Variants in POGZ observed in about 807,000 individuals in gnomAD.
The protein encoded by POGZ is pogo transposable element derived with ZNF domain.
In POGZ, 17 loss-of-function variants were observed where a neutral mutation model predicts 134.6. The ratio of observed to expected loss-of-function variants is 0.13; its 90% CI spans 0.09 to 0.19. POGZ has a LOEUF of 0.19. Ranked by LOEUF, POGZ falls within the 10% of genes least tolerant of loss-of-function variation. The probability of loss-of-function intolerance (pLI) is 1.00; values close to 1 mark genes in which losing one functional copy is unlikely to be tolerated. For missense variants in POGZ, 1,306 were observed against 1,769.7 expected (o/e 0.74, Z 4.70); for synonymous variants, 693 against 657.1 (o/e 1.05, Z -0.84).
rs374704008 is a variant in POGZ, at chr1:151,420,563, G to A, written c.1678+2834C>T. 5.9e-5 allele frequency among the ~76,000 whole-genome samples: 9 copies of A among 151,970 alleles called. No homozygotes were observed. In the East Asian group the frequency reaches 7.7e-4, roughly 13 times the overall value. On this transcript the variant is annotated intron_variant, in intron 10 of 18. Coordinates refer to ENST00000271715, the MANE Select transcript of POGZ (RefSeq NM_015100.4). ...CTCCTAAGCTCAATCTGCCTGCCTC[G>A]GCCTCTCAAAGTGCTGAGATTACAG...
At chr1:151,450,999 A>G (rs1386533704) in intron 1 of POGZ, 1 of 152,084 alleles carries the variant, frequency 6.6e-6, no homozygotes, top group African/African-American at 2.4e-5. Flanking sequence ...CAGGAGTTCA[A>G]AACCAGCCTG....
intron 10 of POGZ, among the ~76,000 whole-genome samples, chr1:151,421,394 T>C (rs563743026): frequency 1.3e-5 from 2 of 151,962 alleles, no homozygotes; most frequent in South Asian, 4.2e-4. Flanking sequence ...AAGGGAGCGC[T>C]ACTGTATTTA....
At chr1:151,410,609 G>A (rs573569358) in intron 12 of POGZ, among the ~76,000 whole-genome samples, 3 of 152,246 alleles carry the variant, frequency 2.0e-5, no homozygotes, top group African/African-American at 7.2e-5. Flanking sequence ...GGGGCCCATG[G>A]TATTTAAGTT....
chr1:151,457,465 G>C (rs879358318), intron 1 of POGZ, among the ~76,000 whole-genome samples: 1 of 152,130 alleles, frequency 6.6e-6, no homozygotes, highest in Non-Finnish European at 1.5e-5. Flanking sequence ...CCACCTTCAA[G>C]TTACTTTTTA....
chr1:151,429,509 A>G (rs923277536), intron 5 of POGZ, 94 bp downstream of exon 5: 1 of 569,582 alleles, frequency 1.8e-6, no homozygotes, highest in Non-Finnish European at 3.1e-6. Context: ...ATTTTCTTTA[A>G]ATGTACTTAC....
intron 1 of POGZ, among the ~76,000 whole-genome samples, chr1:151,457,764 T>C (rs532913027): frequency 6.0e-4 from 92 of 152,110 alleles, no homozygotes; most frequent in African/African-American, 2.2e-3. Context: ...TCGTCCCTAC[T>C]AAAAATACAA....
At chr1:151,406,733 C>G (rs1257627410) in intron 17 of POGZ, 102 bp from the exon 18 acceptor site, 1 of 1,102,582 alleles carries the variant, frequency 9.1e-7, no homozygotes, top group East Asian at 2.4e-5. Context: ...ATACGCTGTT[C>G]GCAGTGACCA....
intron 10 of POGZ, among the ~76,000 whole-genome samples, chr1:151,413,956 G>A (rs1259438664): frequency 6.6e-6 from 1 of 152,198 alleles, no homozygotes; most frequent in East Asian, 1.9e-4. Context: ...TTGCAAAAGA[G>A]TAAAATGTAG....
At chr1:151,409,339 C>CAGT (rs1557875178) in intron 12 of POGZ, among the ~76,000 whole-genome samples, 3 of 152,168 alleles carry the variant, frequency 2.0e-5, no homozygotes, top group Non-Finnish European at 4.4e-5. Flanking sequence ...ACACATATAA[C>CAGT]TGTATCACAA....
chr1:151,429,582 T>G, intron 5 of POGZ, 21 bp downstream of exon 5: 1 of 1,280,724 alleles, frequency 7.8e-7, no homozygotes, highest in Non-Finnish European at 1.1e-6. Context: ...TTATTCCAAA[T>G]GGATAGACAT....
chr1:151,458,242 G>C (rs148920940), intron 1 of POGZ, among the ~76,000 whole-genome samples: 1 of 152,068 alleles, frequency 6.6e-6, no homozygotes, highest in Non-Finnish European at 1.5e-5. Context: ...ATAGATCAAT[G>C]ACAGTACTCC....
At chr1:151,407,422 T>C in intron 15 of POGZ, 131 bp from the exon 16 acceptor site, 1 of 635,574 alleles carries the variant, frequency 1.6e-6, no homozygotes, top group South Asian at 2.1e-5. Context: ...TAAGCCAGTT[T>C]TCCTGTCACC....
chr1:151,410,312 C>CTCT (rs1487075316), intron 12 of POGZ, among the ~76,000 whole-genome samples: 1 of 152,092 alleles, frequency 6.6e-6, no homozygotes, highest in Non-Finnish European at 1.5e-5. Context: ...ATTTCCTTAC[C>CTCT]TCTCATTCAT....
Position 151,427,983 on chromosome 1 carries a change from T to A in POGZ, c.918A>T (p.Arg306=). The stretch of plus-strand genomic sequence containing the variant: ...TGCTATTTTCGCCTGTAACACCAGG[T>A]CGCTTCACAGTGACAAAGCTGGCAA... ...VSIASFVTVK[R]PGVTGENSNE... Residue 306 remains arginine, a synonymous_variant, in exon 7 of 19, where the codon CGA becomes CGT. Coordinates refer to ENST00000271715, the MANE Select transcript of POGZ (RefSeq NM_015100.4). 6.2e-7 allele frequency: 1 copy of A among 1,614,156 alleles called. No homozygotes were observed. The highest frequency in any genetic ancestry group is 8.5e-7 in the Non-Finnish European group (1 of 1,180,034).
Position 151,424,104 on chromosome 1 carries a change from G to T in POGZ, c.1368C>A (p.Asn456Lys), listed in dbSNP as rs770810584. 1.2e-6 allele frequency: 2 copies of T among 1,614,144 alleles called. No individual in the cohort carries two copies. The highest frequency in any genetic ancestry group is 1.1e-5 in the South Asian group (1 of 91,088). Residue 456 changes from asparagine (N) to lysine (K), a missense_variant, in exon 9 of 19, where the codon AAC becomes AAA. This residue lies in a region of POGZ where 541 missense variants were observed against 680.5 expected (regional missense o/e 0.80). Coordinates refer to ENST00000271715, the MANE Select transcript of POGZ (RefSeq NM_015100.4). ...GTTTGGTCTGGACGGCATCGCCCACGTTCTCATTTGGTTCTGGTACTTTGG... is the reference window on the plus strand; with the variant it reads ...GTTTGGTCTGGACGGCATCGCCCACTTTCTCATTTGGTTCTGGTACTTTGG... ...PPTKVPEPNE[N>K]VGDAVQTKLI...
chr1:151,419,695 A>AC (rs1553221621), intron 10 of POGZ, among the ~76,000 whole-genome samples: 5 of 149,280 alleles, frequency 3.3e-5, no homozygotes, highest in African/African-American at 1.2e-4. Context: ...AAAAAAAAAA[A>AC]CTACTTTCAT....
intron 1 of POGZ, among the ~76,000 whole-genome samples, 185 bp downstream of exon 1, chr1:151,458,967 C>A (rs1489691133): frequency 2.5e-4 from 36 of 144,628 alleles, no homozygotes; most frequent in African/African-American, 8.9e-4. Context: ...CCGCCCCTGC[C>A]GCGGGCCGCG....
chr1:151,446,688 G>A lies in POGZ; in HGVS notation c.-1-4483C>T, dbSNP rs1002636734. Among the ~76,000 whole-genome samples, 3 of 149,906 alleles carry A rather than the reference G, an allele frequency of 2.0e-5. No homozygotes were observed. The East Asian group carries it at 5.9e-4, about 29-fold the overall frequency. ...GGAGAATCGCTTGAACCTGAGAGGTGGAGGTCGCAGTGAGCTGAGATCGTG... is the reference window on the plus strand; with the variant it reads ...GGAGAATCGCTTGAACCTGAGAGGTAGAGGTCGCAGTGAGCTGAGATCGTG... On this transcript the variant is annotated intron_variant, in intron 1 of 18. Transcript: ENST00000271715.
Position 151,429,205 on chromosome 1 carries a change from G to A in POGZ, c.568+398C>T, listed in dbSNP as rs1216500110. On this transcript the variant is annotated intron_variant, in intron 5 of 18. Transcript: ENST00000271715. ...GACAGTATTTATCCATAAAAGGAATGTCATTTGTTTATATCTAAAATCTAT... is the reference window on the plus strand; with the variant it reads ...GACAGTATTTATCCATAAAAGGAATATCATTTGTTTATATCTAAAATCTAT... Among the ~76,000 whole-genome samples, 20 of 150,188 alleles carry A rather than the reference G, an allele frequency of 1.3e-4. 1 individual carries two copies. Among genetic ancestry groups the A allele is most frequent in the Admixed American group, 1.3e-3 (19 of 15,086 alleles).
Sources: gnomAD v4.1 joint callset for allele counts (sites outside exome capture counted in the v4.1 genomes callset) on GRCh38, gnomAD v4.1.1 for gene constraint, gnomAD v4.1.1 regional missense constraint, MANE v1.5 for transcripts, NCBI Gene and HGNC (gene_info 2026-07-23, HGNC 2026-07-21) for gene names.